Variants in KIF1A observed in about 807,000 individuals in gnomAD.
The protein encoded by KIF1A is kinesin family member 1A.
In KIF1A, 46 loss-of-function variants were observed where a neutral mutation model predicts 227.3. The ratio of observed to expected loss-of-function variants is 0.20; its 90% confidence interval spans 0.16 to 0.26. The LOEUF (loss-of-function observed/expected upper bound fraction) is 0.26. Among genes scored for constraint, KIF1A ranks in the 10% least tolerant of loss-of-function variants. The pLI is 1.00. For missense variants in KIF1A, 1,683 were observed against 2,485.9 expected, an observed-to-expected ratio of 0.68 and a Z score of 6.87; for synonymous variants, 1,022 against 1,012.8, an observed-to-expected ratio of 1.01 and a Z score of -0.17.
rs552758522 is a variant in KIF1A, at chr2:240,742,853, C to A, written c.3640+76G>T. On this transcript the variant is annotated intron_variant, in intron 34 of 48. Transcript: ENST00000498729. Reference sequence around the variant, plus strand: ...CAGTCACAGAGGACAGCATTCACTGCGGGGGCCCAGCCCACTACAGCACCC... The same window carrying A: ...CAGTCACAGAGGACAGCATTCACTGAGGGGGCCCAGCCCACTACAGCACCC... 9.9e-6 allele frequency: 13 copies of A among 1,312,550 alleles called. No individual in the cohort carries two copies. The African/African-American group carries it at 1.5e-4, about 15-fold the overall frequency. The allele number at this position is 1,312,550 out of a possible 1,614,324, so 81.3% of individuals were successfully genotyped here. A position where few individuals can be genotyped will look rare whatever the true frequency, so the allele number is the denominator to read the frequency against.
At chr2:240,813,732 G>C (rs116763619) in intron 1 of KIF1A, among the ~76,000 whole-genome samples, 1 of 150,868 alleles carries the variant, frequency 6.6e-6, no homozygotes, top group Non-Finnish European at 1.5e-5. Flanking sequence ...CAGCCCTGCC[G>C]CTCCCGCCAA....
In KIF1A at chr2:240,763,242, G is replaced by C; in HGVS notation, c.1873C>G (p.Pro625Ala). ...CGCTGGGCGAAGGCCCAGTCCACAG[G>C]CTCAGCTGGCGTCTCCGCACAAGGC... is the stretch of plus-strand genomic sequence containing the variant. The part of the protein sequence containing the change: ...RTPCAETPAE[P>A]VDWAFAQREL... Residue 625 changes from proline (P) to alanine (A), a missense_variant, in exon 21 of 49, where the codon CCT becomes GCT. Pro to Ala is a conservative substitution (Grantham distance 27, BLOSUM62 -1). Transcript: ENST00000498729. The C allele has an allele frequency of 1.2e-6, 2 of 1,613,056 alleles. No individual in the cohort carries two copies. The highest frequency in any genetic ancestry group is 2.2e-5 in the South Asian group (2 of 90,966).
chr2:240,800,522 C>T (rs115675472), intron 1 of KIF1A, among the ~76,000 whole-genome samples: 1,913 of 152,234 alleles, frequency 0.013, 45 homozygotes, highest in African/African-American at 0.043. Context: ...ATTCTGCGCA[C>T]GGGGCAAGAG....
intron 1 of KIF1A, among the ~76,000 whole-genome samples, chr2:240,815,866 C>T (rs373214678): frequency 5.9e-5 from 9 of 152,292 alleles, no homozygotes; most frequent in South Asian, 2.1e-4. Context: ...CAGTGGGGTC[C>T]GAGCCAAGCG....
At position 240,769,616 on chromosome 2, in the gene KIF1A, C is replaced by A; in HGVS notation, c.1421+11G>T. 1 of 1,611,146 alleles carries A rather than the reference C, an allele frequency of 6.2e-7. No homozygotes were observed. The highest frequency in any genetic ancestry group is 1.1e-5 in the South Asian group (1 of 90,922). ...CCCCTCCCCCTGGGCCTCAGTTTCC[C>A]CGCTGCACACCTCTCCATCCGGATG... On this transcript the variant is annotated intron_variant, in intron 16 of 48. Coordinates refer to ENST00000498729, the MANE Select transcript of KIF1A (RefSeq NM_001244008.2).
rs532534598 is a variant in KIF1A at position 240,790,447 on chromosome 2, G to A, written c.107-1135C>T. 9.2e-5 allele frequency among the ~76,000 whole-genome samples: 14 copies of A among 152,086 alleles called. No individual in the cohort carries two copies. The highest frequency in any genetic ancestry group is 2.7e-4 in the African/African-American group (11 of 41,490). ...CAGCCAGCGTGGGCTGGGGGCCAGC[G>A]GCACAGCCTCCAGTATGCCCGCACC... On this transcript the variant is annotated intron_variant, in intron 2 of 48. Transcript: ENST00000498729. The surrounding 1 kb of genome is among the most constrained non-coding windows in gnomAD (Gnocchi z 5.0).
At chr2:240,764,041 A>T (rs2050846993) in intron 20 of KIF1A, among the ~76,000 whole-genome samples, 1 of 152,056 alleles carries the variant, frequency 6.6e-6, no homozygotes, top group South Asian at 2.1e-4. Flanking sequence ...GTCTTGGGAC[A>T]GTCCTGCCTG....
Position 240,789,896 on chromosome 2 carries a change from G to T in KIF1A, c.107-584C>A, listed in dbSNP as rs1285816323. ...TCAAGCCCAGTCCCAGGCACCCTGGGCTGGCTTCAGGCAGTGCTCACAGAA... is the reference window on the plus strand; with the variant it reads ...TCAAGCCCAGTCCCAGGCACCCTGGTCTGGCTTCAGGCAGTGCTCACAGAA... On this transcript the variant is annotated intron_variant, in intron 2 of 48. Coordinates refer to ENST00000498729, the MANE Select transcript of KIF1A (RefSeq NM_001244008.2). This position sits in a 1 kb window ranked among gnomAD's most constrained non-coding sequence, Gnocchi z 4.8. Among the ~76,000 whole-genome samples the T allele has an allele frequency of 6.6e-6, 1 of 152,148 alleles. No homozygotes were observed. The highest frequency in any genetic ancestry group is 1.5e-5 in the Non-Finnish European group (1 of 68,026).
intron 1 of KIF1A, among the ~76,000 whole-genome samples, chr2:240,800,229 A>C (rs911732168): frequency 4.6e-5 from 7 of 152,102 alleles, no homozygotes; most frequent in African/African-American, 1.7e-4. Context: ...AAATAAAGCT[A>C]TTCTAGAACT....
chr2:240,786,231 G>T, intron 6 of KIF1A, 104 bp downstream of exon 6: 1 of 1,181,060 alleles, frequency 8.5e-7, no homozygotes, highest in Non-Finnish European at 1.2e-6. Context: ...CGGGGGCACA[G>T]ATGGACCCTA....
intron 37 of KIF1A, among the ~76,000 whole-genome samples, chr2:240,738,637 G>A (rs2047619168): frequency 6.6e-6 from 1 of 152,182 alleles, no homozygotes; most frequent in East Asian, 1.9e-4. Flanking sequence ...GCCTGAAGGG[G>A]AGCATTGGGG....
At chr2:240,748,247 C>A (rs370814450) in intron 28 of KIF1A, among the ~76,000 whole-genome samples, 3 of 152,166 alleles carry the variant, frequency 2.0e-5, no homozygotes, top group Non-Finnish European at 4.4e-5. Flanking sequence ...TCCTAACTGG[C>A]GACACTCATC....
Position 240,746,124 on chromosome 2 carries a change from C to T in KIF1A, c.3117G>A (p.Gln1039=), listed in dbSNP as rs1359860973. 1.5e-5 allele frequency: 24 copies of T among 1,576,164 alleles called. No homozygotes were observed. Among genetic ancestry groups the T allele is most frequent in the Non-Finnish European group, 1.9e-5 (22 of 1,161,578 alleles). The change falls in exon 30 of 49, where the codon CAG becomes CAA. Residue 1039 remains glutamine, a synonymous_variant. Transcript: ENST00000498729. ...GGCCCTCCACGATGCGAAGCTCTTC[C>T]TGGGAGGTTCCCGAGCGGGACATCC... ...VVGMSRSGTS[Q]EELRIVEGQG...
At chr2:240,815,708 G>A (rs754766900) in intron 1 of KIF1A, among the ~76,000 whole-genome samples, 2 of 152,172 alleles carry the variant, frequency 1.3e-5, no homozygotes, top group Non-Finnish European at 2.9e-5. Flanking sequence ...GGGGGGTAAT[G>A]GGGGTGGAGG....
At position 240,789,392 on chromosome 2, in the gene KIF1A, G is replaced by A; in HGVS notation, c.107-80C>T. The A allele has an allele frequency of 8.0e-7, 1 of 1,255,946 alleles. No homozygotes were observed. The highest frequency in any genetic ancestry group is 1.2e-5 in the South Asian group (1 of 82,658). The allele number at this position is 1,255,946 out of a possible 1,614,324, so 77.8% of individuals were successfully genotyped here. On this transcript the variant is annotated intron_variant, in intron 2 of 48. Coordinates refer to ENST00000498729, the MANE Select transcript of KIF1A (RefSeq NM_001244008.2). The surrounding 1 kb of genome is among the most constrained non-coding windows in gnomAD (Gnocchi z 4.8). ...TGGCATCTACACTCCAAGGTGGGGA[G>A]ATGGTCTTAAGAGGCCTCGGGCCCC... is the stretch of plus-strand genomic sequence containing the variant.
intron 10 of KIF1A, among the ~76,000 whole-genome samples, chr2:240,779,370 TCACTCAGTTCCTCATAGTTCCA>T (rs1180098209): frequency 7.6e-6 from 1 of 131,268 alleles, no homozygotes; most frequent in Non-Finnish European, 1.6e-5. Flanking sequence ...ACTCAGTTCC[TCACTCAGTTCCTCATAGTTCCA>T]CACTCAGTTC....
At position 240,758,744 on chromosome 2, in the gene KIF1A, G is replaced by T. The variant is rs1207919925; in HGVS notation, c.2445-247C>A. On this transcript the variant is annotated intron_variant, in intron 25 of 48. Transcript: ENST00000498729. The surrounding 1 kb of genome is among the most constrained non-coding windows in gnomAD (Gnocchi z 5.2). ...ACAGCTCCTCCCAAACTCCCTCCAG[G>T]GGGTGGGCTGGGGAACAAGCAGTGA... Among the ~76,000 whole-genome samples, 4 of 152,270 alleles carry T rather than the reference G, an allele frequency of 2.6e-5. No homozygotes were observed. The East Asian group carries it at 5.8e-4, about 22-fold the overall frequency.
At chr2:240,754,078 G>A (rs2049538449) in intron 27 of KIF1A, among the ~76,000 whole-genome samples, 1 of 152,202 alleles carries the variant, frequency 6.6e-6, no homozygotes, top group African/African-American at 2.4e-5. Flanking sequence ...TGGGGGCTGG[G>A]AGGACCCAGA....
At chr2:240,767,075 C>A in intron 18 of KIF1A, 54 bp from the exon 19 acceptor site, 1 of 1,394,942 alleles carries the variant, frequency 7.2e-7, no homozygotes, top group Non-Finnish European at 1.0e-6. Context: ...ACACCCAGGA[C>A]GCCACCCACT....
Sources: allele counts gnomAD v4.1 joint callset (sites outside exome capture counted in the v4.1 genomes callset), GRCh38; gene constraint gnomAD v4.1.1; non-coding constraint Gnocchi (gnomAD v3.1); transcripts MANE v1.5; gene names NCBI Gene and HGNC (gene_info 2026-07-23, HGNC 2026-07-21).